Variants in LRP1B observed in about 807,000 individuals in gnomAD.
LRP1B encodes LDL receptor related protein 1B.
LRP1B carries 217 observed loss-of-function variants against 556.6 expected under a neutral mutation model. That is an observed-to-expected ratio of 0.39 (90% confidence interval 0.35 to 0.44). The LOEUF (loss-of-function observed/expected upper bound fraction) is 0.44. Ranked by LOEUF, LRP1B falls within the 20% of genes least tolerant of loss-of-function variation. The probability of loss-of-function intolerance (pLI) is 1.00; values close to 1 mark genes in which losing one functional copy is unlikely to be tolerated. For synonymous variants in LRP1B, 2,047 were observed against 1,865.8 expected (o/e 1.10, Z -2.50); for missense variants, 5,053 against 5,620.8 (o/e 0.90, Z 3.23).
At chr2:141,373,058 C>T (rs1689292047) in intron 3 of LRP1B, among the ~76,000 whole-genome samples, 1 of 151,880 alleles carries the variant, frequency 6.6e-6, no homozygotes, top group Non-Finnish European at 1.5e-5. Context: ...TCATTTGTTC[C>T]AAAATTTTTA....
At chr2:140,632,194 C>T (rs1683911189) in intron 41 of LRP1B, among the ~76,000 whole-genome samples, 1 of 151,714 alleles carries the variant, frequency 6.6e-6, no homozygotes, top group Non-Finnish European at 1.5e-5. Context: ...AAAACTCAGA[C>T]CTATATAAAG....
chr2:141,100,289 G>A (rs1170842165), intron 7 of LRP1B, among the ~76,000 whole-genome samples: 1 of 152,196 alleles, frequency 6.6e-6, no homozygotes, highest in Non-Finnish European at 1.5e-5. Flanking sequence ...TCAGGTAACA[G>A]AATGTTGAAT....
At chr2:140,312,788 AAAC>A (rs1684364339) in intron 83 of LRP1B, among the ~76,000 whole-genome samples, 3 of 151,904 alleles carry the variant, frequency 2.0e-5, no homozygotes, top group African/African-American at 7.2e-5. Flanking sequence ...TCATTATTAC[AAAC>A]AGTAACCTTA....
chr2:140,336,771 G>C (rs1681126551), intron 77 of LRP1B, among the ~76,000 whole-genome samples: 1 of 151,852 alleles, frequency 6.6e-6, no homozygotes, highest in South Asian at 2.1e-4. Flanking sequence ...ATTGAGACTG[G>C]ACAGCAAGAA....
At chr2:140,574,103 T>G (rs1029759268) in intron 43 of LRP1B, among the ~76,000 whole-genome samples, 4 of 152,102 alleles carry the variant, frequency 2.6e-5, no homozygotes, top group African/African-American at 9.6e-5. Flanking sequence ...CTCTGACAGT[T>G]TGCATTTACT....
rs1052109272 is a variant in LRP1B at position 140,800,103 on chromosome 2, A to G, written c.5359+13554T>C. ...ATGAGTTCATGTCCTTTGTAGGGAC[A>G]TGGATGAAGCTGAAAACCATCATTC... On this transcript the variant is annotated intron_variant, in intron 32 of 90. Transcript: ENST00000389484. Among the ~76,000 whole-genome samples the G allele has an allele frequency of 5.9e-5, 9 of 152,310 alleles. No individual in the cohort carries two copies. The South Asian group carries it at 1.7e-3, about 28-fold the overall frequency.
chr2:141,550,233 T>C (rs1685700073), intron 2 of LRP1B, among the ~76,000 whole-genome samples: 1 of 152,192 alleles, frequency 6.6e-6, no homozygotes, highest in Non-Finnish European at 1.5e-5. Flanking sequence ...CTTTTTTCAA[T>C]AGCCATATGT....
chr2:141,995,218 T>C (rs928407742), intron 1 of LRP1B, among the ~76,000 whole-genome samples: 2 of 152,210 alleles, frequency 1.3e-5, no homozygotes, highest in Non-Finnish European at 2.9e-5. Context: ...CAAGTCTCGG[T>C]TGGCCAAAAA....
chr2:140,840,829 T>C, intron 30 of LRP1B, 89 bp downstream of exon 30: 1 of 951,316 alleles, frequency 1.1e-6, no homozygotes, highest in Non-Finnish European at 1.5e-6. Context: ...TATATATATA[T>C]CCTCTGAATT....
intron 82 of LRP1B, 71 bp downstream of exon 82, chr2:140,321,892 C>T (rs1393028815): frequency 7.0e-7 from 1 of 1,438,008 alleles, no homozygotes; most frequent in Non-Finnish European, 9.6e-7. Flanking sequence ...TAATTTCACT[C>T]CATTTCACGA....
At chr2:140,949,627 T>A (rs1695645696) in intron 20 of LRP1B, among the ~76,000 whole-genome samples, 1 of 151,974 alleles carries the variant, frequency 6.6e-6, no homozygotes. Flanking sequence ...GAAATAGTTT[T>A]AGGGTTTGGA....
chr2:140,632,676 T>C (rs1405829643), intron 41 of LRP1B, among the ~76,000 whole-genome samples: 3 of 152,258 alleles, frequency 2.0e-5, no homozygotes, highest in Admixed American at 6.5e-5. Flanking sequence ...TCACTTTAAA[T>C]GTCAATGGTT....
chr2:141,973,052 T>C (rs1466067654), intron 1 of LRP1B, among the ~76,000 whole-genome samples: 1 of 151,648 alleles, frequency 6.6e-6, no homozygotes, highest in East Asian at 1.9e-4. Context: ...GACTTCAAAC[T>C]GTATTATTAT....
At chr2:140,551,457 C>A (rs990411593) in intron 43 of LRP1B, among the ~76,000 whole-genome samples, 18 of 152,106 alleles carry the variant, frequency 1.2e-4, no homozygotes, top group Admixed American at 1.1e-3. Flanking sequence ...GAGTATGACT[C>A]TCCCTCAGAC....
At chr2:141,039,138 C>A (rs1194888999) in intron 11 of LRP1B, among the ~76,000 whole-genome samples, 1 of 152,008 alleles carries the variant, frequency 6.6e-6, no homozygotes, top group Non-Finnish European at 1.5e-5. Context: ...CTGCTTAGCA[C>A]GGGAATCATT....
intron 7 of LRP1B, among the ~76,000 whole-genome samples, chr2:141,174,625 T>C (rs756287815): frequency 3.3e-5 from 5 of 152,148 alleles, no homozygotes; most frequent in Non-Finnish European, 7.4e-5. Flanking sequence ...GGAGGAACTA[T>C]GAGTCAATTA....
chr2:140,678,791 G>C (rs551856059), intron 41 of LRP1B, among the ~76,000 whole-genome samples: 24 of 123,288 alleles, frequency 1.9e-4, no homozygotes, highest in Admixed American at 5.0e-4. Flanking sequence ...TTTTTTGGTT[G>C]GGGGGGAATG....
intron 1 of LRP1B, among the ~76,000 whole-genome samples, chr2:141,942,393 A>ACTGT (rs57651796): frequency 0.86 from 130,666 of 151,640 alleles, 56,470 homozygotes; most frequent in East Asian, 1. Flanking sequence ...TCTCTTCAAA[A>ACTGT]CTGGTTCTTG....
intron 3 of LRP1B, among the ~76,000 whole-genome samples, chr2:141,473,944 TA>T (rs1166260874): frequency 8.4e-6 from 1 of 119,092 alleles, no homozygotes; most frequent in African/African-American, 2.9e-5. Context: ...TAAGTAAAAT[TA>T]AAAACAACAA....
Sources: allele counts gnomAD v4.1 joint callset (sites outside exome capture counted in the v4.1 genomes callset), GRCh38; gene constraint gnomAD v4.1.1; transcripts MANE v1.5; gene names NCBI Gene and HGNC (gene_info 2026-07-23, HGNC 2026-07-21).